PLPP1: variants seen among roughly 807,000 people sequenced by gnomAD.
PLPP1 encodes the protein phospholipid phosphatase 1.
PLPP1 carries 24 observed loss-of-function variants against 31.2 expected under a neutral mutation model. The observed-to-expected ratio is 0.77, with a 90% confidence interval of 0.56 to 1.08. The LOEUF is 1.08. PLPP1 is among the 50% of genes least tolerant of loss of function. The probability of loss-of-function intolerance (pLI) is 0.00; values close to 1 mark genes in which losing one functional copy is unlikely to be tolerated. For missense variants in PLPP1, 319 were observed against 342.7 expected (o/e 0.93, Z 0.55); for synonymous variants, 146 against 126.3 (o/e 1.16, Z -1.05).
intron 1 of PLPP1, among the ~76,000 whole-genome samples, chr5:55,480,986 A>C (rs144320022): frequency 6.6e-6 from 1 of 152,348 alleles, no homozygotes; most frequent in East Asian, 1.9e-4. Flanking sequence ...AAATAAACAC[A>C]ACTTTCTATA....
intron 1 of PLPP1, among the ~76,000 whole-genome samples, chr5:55,527,754 G>A (rs1367014230): frequency 6.6e-6 from 1 of 152,164 alleles, no homozygotes. Flanking sequence ...AGGTCTAAAG[G>A]GGCTAGGGAA....
At chr5:55,435,892 T>C (rs1751480641) in intron 4 of PLPP1, among the ~76,000 whole-genome samples, 1 of 151,866 alleles carries the variant, frequency 6.6e-6, no homozygotes, top group Admixed American at 6.6e-5. Context: ...TGTGCGCCTG[T>C]AGTCCCAGCT....
intron 2 of PLPP1, among the ~76,000 whole-genome samples, chr5:55,471,958 T>TAA (rs11454525): frequency 3.4e-4 from 51 of 150,956 alleles, no homozygotes; most frequent in South Asian, 8.4e-4. Flanking sequence ...GTTATCTCTT[T>TAA]AAAAAAAAAT....
chr5:55,497,826 T>C (rs1405209942), intron 1 of PLPP1, among the ~76,000 whole-genome samples: 1 of 151,902 alleles, frequency 6.6e-6, no homozygotes, highest in Non-Finnish European at 1.5e-5. Context: ...CCCCATGATA[T>C]GAGCCATGCC....
intron 1 of PLPP1, among the ~76,000 whole-genome samples, chr5:55,532,858 G>A (rs1740720690): frequency 6.6e-6 from 1 of 151,396 alleles, no homozygotes; most frequent in Admixed American, 6.6e-5. Flanking sequence ...TCAGGAGGCT[G>A]AGGCAGAGAA....
At chr5:55,453,768 C>A (rs1561229136) in intron 3 of PLPP1, among the ~76,000 whole-genome samples, 1 of 152,200 alleles carries the variant, frequency 6.6e-6, no homozygotes, top group Admixed American at 6.5e-5. Flanking sequence ...TGGTGAAACC[C>A]CATTTCTACT....
rs1386897336 is a variant in PLPP1, at chr5:55,468,125, C to T, written c.235G>A (p.Val79Ile). The T allele has an allele frequency of 6.2e-7, 1 of 1,602,560 alleles. No homozygotes were observed. Among genetic ancestry groups the T allele is most frequent in the East Asian group, 2.2e-5 (1 of 44,654 alleles). ...IVIILGETLS[V>I]YCNLLHSNSF... ...TTTGAGTGCAAAAGGTTACAGTAAA[C>T]AGACAGGGTTTCTCCAAGAATAATC... Residue 79 changes from valine to isoleucine, a missense_variant, in exon 3 of 6, where the codon GTT becomes ATT. Transcript: ENST00000307259.
In PLPP1 at chr5:55,436,248, C is replaced by T. The variant is rs557313888; in HGVS notation, c.549+5603G>A. ...CCCAGTCCCAAATGATATGGCTTGGCTGTGTCCCCACCCAAATCTCATCTT... is the reference window on the plus strand; with the variant it reads ...CCCAGTCCCAAATGATATGGCTTGGTTGTGTCCCCACCCAAATCTCATCTT... On this transcript the variant is annotated intron_variant, in intron 4 of 5. Transcript: ENST00000307259. 5.9e-5 allele frequency among the ~76,000 whole-genome samples: 9 copies of T among 152,232 alleles called. No homozygotes were observed. The East Asian group carries it at 1.7e-3, about 29-fold the overall frequency.
chr5:55,483,373 A>G (rs1419673749), intron 1 of PLPP1, among the ~76,000 whole-genome samples: 4 of 152,170 alleles, frequency 2.6e-5, no homozygotes, highest in African/African-American at 9.7e-5. Flanking sequence ...AGGATAATTC[A>G]AAGTACATTA....
intron 1 of PLPP1, among the ~76,000 whole-genome samples, chr5:55,494,718 T>C (rs947147831): frequency 2.0e-5 from 3 of 152,148 alleles, no homozygotes; most frequent in Non-Finnish European, 4.4e-5. Context: ...ACCATGTACA[T>C]ATGTCTATCA....
intron 4 of PLPP1, among the ~76,000 whole-genome samples, chr5:55,435,902 T>C (rs941543511): frequency 1.4e-4 from 21 of 151,562 alleles, no homozygotes; most frequent in Non-Finnish European, 2.5e-4. Flanking sequence ...TAGTCCCAGC[T>C]ACTTGGGAGG....
At chr5:55,487,174 G>T (rs1252000343) in intron 1 of PLPP1, among the ~76,000 whole-genome samples, 1 of 152,062 alleles carries the variant, frequency 6.6e-6, no homozygotes, top group Admixed American at 6.6e-5. Context: ...TTTCTATCCT[G>T]AAACTACAAA....
intron 4 of PLPP1, among the ~76,000 whole-genome samples, chr5:55,431,609 AC>A (rs1364040490): frequency 1.3e-5 from 2 of 152,092 alleles, no homozygotes; most frequent in Non-Finnish European, 2.9e-5. Flanking sequence ...CCGAAACCCA[AC>A]AACAATGCTA....
At chr5:55,493,440 T>C (rs371366019) in intron 1 of PLPP1, among the ~76,000 whole-genome samples, 1 of 152,146 alleles carries the variant, frequency 6.6e-6, no homozygotes, top group Non-Finnish European at 1.5e-5. Flanking sequence ...GAGATTTCTG[T>C]GTTTATTAAA....
chr5:55,533,643 G>C (rs1740763792), intron 1 of PLPP1, among the ~76,000 whole-genome samples: 1 of 152,124 alleles, frequency 6.6e-6, no homozygotes, highest in African/African-American at 2.4e-5. Context: ...CTACTATTCT[G>C]ATTACTTCAA....
chr5:55,482,459 C>T (rs562987835), intron 1 of PLPP1, among the ~76,000 whole-genome samples: 88 of 152,164 alleles, frequency 5.8e-4, no homozygotes, highest in Middle Eastern at 3.4e-3. Context: ...TATTAAACAC[C>T]TATTACATGC....
intron 4 of PLPP1, among the ~76,000 whole-genome samples, chr5:55,426,763 G>C (rs1221599871): frequency 6.6e-6 from 1 of 152,072 alleles, no homozygotes; most frequent in East Asian, 1.9e-4. Flanking sequence ...CTGGGCACAG[G>C]TTGCCATTGC....
intron 1 of PLPP1, chr5:55,530,519 T>TAAA: frequency 8.3e-7 from 1 of 1,199,312 alleles, no homozygotes; most frequent in East Asian, 2.3e-5. Context: ...CTACTGAATC[T>TAAA]TCAGAGATCT....
chr5:55,507,379 CT>C (rs1358835685), intron 1 of PLPP1, among the ~76,000 whole-genome samples: 1 of 152,030 alleles, frequency 6.6e-6, no homozygotes, highest in Non-Finnish European at 1.5e-5. Flanking sequence ...AGCCATGAGA[CT>C]TTAAGATTGC....
Sources: gnomAD v4.1 joint callset for allele counts (sites outside exome capture counted in the v4.1 genomes callset) on GRCh38, gnomAD v4.1.1 for gene constraint, MANE v1.5 for transcripts, NCBI Gene and HGNC (gene_info 2026-07-23, HGNC 2026-07-21) for gene names.